EVI5: variants seen among roughly 807,000 people sequenced by gnomAD.
EVI5 encodes the protein ecotropic viral integration site 5.
Under a neutral mutation model 112.0 loss-of-function variants are expected in EVI5, and 73 were observed. The observed-to-expected ratio is 0.65, with a 90% CI of 0.54 to 0.79. The LOEUF (loss-of-function observed/expected upper bound fraction) is 0.79, where lower values mean the gene tolerates loss of function less well. EVI5 is among the 30% of genes least tolerant of loss of function. The pLI is 0.00. For missense variants in EVI5, 900 were observed against 968.8 expected (o/e 0.93, Z 0.94); for synonymous variants, 305 against 319.9 (o/e 0.95, Z 0.50).
chr1:92,783,483 TAAAA>T (rs774619273), intron 1 of EVI5, among the ~76,000 whole-genome samples: 3 of 24,272 alleles, frequency 1.2e-4, no homozygotes, highest in African/African-American at 3.2e-4. Flanking sequence ...GACTCAGCCT[TAAAA>T]AAAAAAAAAA....
At chr1:92,561,620 T>TGTATC (rs1668613498) in intron 19 of EVI5, among the ~76,000 whole-genome samples, 4 of 128,310 alleles carry the variant, frequency 3.1e-5, no homozygotes, top group Non-Finnish European at 6.6e-5. Flanking sequence ...TATCTATCTA[T>TGTATC]CTATCTATCT....
At chr1:92,783,110 C>T (rs952842209) in intron 1 of EVI5, among the ~76,000 whole-genome samples, 4 of 152,086 alleles carry the variant, frequency 2.6e-5, no homozygotes, top group Admixed American at 2.0e-4. Context: ...CGTGAGCCAC[C>T]GCACCCAGAC....
At position 92,561,608 on chromosome 1, in the gene EVI5, CCTATCTATCTATCTAT is replaced by C. The variant is rs80355191; in HGVS notation, c.2166+2018_2166+2033del. On this transcript the variant is annotated intron_variant, in intron 19 of 19. Coordinates refer to ENST00000684568, the MANE Select transcript of EVI5 (RefSeq NM_001350197.2). ...CTATCTATCTATCTATCTAATCTATCCTATCTATCTATCTATCTATCTATCTATCTATCTATCTATC... is the reference window on the plus strand; with the variant it reads ...CTATCTATCTATCTATCTAATCTATCCTATCTATCTATCTATCTATCTATC... Among the ~76,000 whole-genome samples, 979 of 132,218 alleles carry C rather than the reference CCTATCTATCTATCTAT, an allele frequency of 7.4e-3. 6 individuals are homozygous for C. Among genetic ancestry groups the C allele is most frequent in the African/African-American group, 0.022 (750 of 34,570 alleles). The allele number at this position is 132,218 out of a possible 152,430, so 86.7% of individuals were successfully genotyped here. A position where few individuals can be genotyped will look rare whatever the true frequency, so the allele number is the denominator to read the frequency against.
chr1:92,601,963 G>A (rs562048154), intron 18 of EVI5, among the ~76,000 whole-genome samples: 8 of 152,160 alleles, frequency 5.3e-5, no homozygotes, highest in Non-Finnish European at 8.8e-5. Flanking sequence ...AATCACATAC[G>A]ATAGCATGAT....
intron 14 of EVI5, among the ~76,000 whole-genome samples, chr1:92,632,427 G>A (rs1306070098): frequency 6.6e-6 from 1 of 152,170 alleles, no homozygotes; most frequent in Non-Finnish European, 1.5e-5. Context: ...TATGTGTCGA[G>A]GAATTTATCC....
chr1:92,547,703 G>A (rs920405053), intron 19 of EVI5, among the ~76,000 whole-genome samples: 20 of 152,206 alleles, frequency 1.3e-4, no homozygotes, highest in Non-Finnish European at 2.4e-4. Context: ...CTACCATCAG[G>A]GAATACTATC....
chr1:92,623,434 A>T (rs1654998736), intron 16 of EVI5, among the ~76,000 whole-genome samples: 1 of 152,242 alleles, frequency 6.6e-6, no homozygotes, highest in Non-Finnish European at 1.5e-5. Flanking sequence ...CAACATTCAC[A>T]GAGTATAAGA....
At chr1:92,633,578 G>T (rs879117474) in intron 14 of EVI5, among the ~76,000 whole-genome samples, 1 of 152,136 alleles carries the variant, frequency 6.6e-6, no homozygotes, top group Non-Finnish European at 1.5e-5. Flanking sequence ...TTGCATGTGA[G>T]ATGGGTTTCC....
At chr1:92,636,578 G>A (rs1658881154) in intron 13 of EVI5, among the ~76,000 whole-genome samples, 1 of 152,154 alleles carries the variant, frequency 6.6e-6, no homozygotes, top group Non-Finnish European at 1.5e-5. Context: ...TTATTACGCT[G>A]ATCAAATCTG....
chr1:92,653,149 C>T (rs1662422281), intron 13 of EVI5, among the ~76,000 whole-genome samples: 1 of 152,134 alleles, frequency 6.6e-6, no homozygotes, highest in Non-Finnish European at 1.5e-5. Context: ...GGGAGCACAG[C>T]CATCAGGGGT....
intron 7 of EVI5, among the ~76,000 whole-genome samples, 156 bp from the exon 8 acceptor site, chr1:92,694,544 G>C (rs1054493723): frequency 2.0e-5 from 3 of 152,132 alleles, no homozygotes; most frequent in Admixed American, 6.5e-5. Flanking sequence ...TTTTAGGTTT[G>C]GTGGGCTATA....
At chr1:92,660,527 T>G (rs1389473385) in intron 13 of EVI5, among the ~76,000 whole-genome samples, 1 of 152,024 alleles carries the variant, frequency 6.6e-6, no homozygotes, top group Admixed American at 6.5e-5. Context: ...AGAGTGACTA[T>G]AGTTAACAAT....
intron 10 of EVI5, among the ~76,000 whole-genome samples, chr1:92,676,498 CG>C (rs1469822373): frequency 6.6e-6 from 1 of 152,098 alleles, no homozygotes; most frequent in Non-Finnish European, 1.5e-5. Flanking sequence ...CACTTATCAA[CG>C]CCATCCTACA....
intron 5 of EVI5, among the ~76,000 whole-genome samples, chr1:92,698,975 A>G (rs2102508000): frequency 6.6e-6 from 1 of 152,320 alleles, no homozygotes; most frequent in South Asian, 2.1e-4. Context: ...TCTTTCTCAA[A>G]ATAATAAAAT....
At chr1:92,719,108 C>T (rs906790497) in intron 2 of EVI5, among the ~76,000 whole-genome samples, 1 of 150,588 alleles carries the variant, frequency 6.6e-6, no homozygotes, top group African/African-American at 2.5e-5. Context: ...CCGAATTCTA[C>T]CAGAGGTACA....
intron 14 of EVI5, among the ~76,000 whole-genome samples, chr1:92,631,801 G>C (rs1657179208): frequency 6.6e-6 from 1 of 152,156 alleles, no homozygotes; most frequent in Non-Finnish European, 1.5e-5. Flanking sequence ...CATTCAGTAT[G>C]ATATTGGCTG....
chr1:92,752,331 C>T (rs1425013271), intron 1 of EVI5, among the ~76,000 whole-genome samples: 4 of 152,018 alleles, frequency 2.6e-5, no homozygotes, highest in Non-Finnish European at 4.4e-5. Flanking sequence ...CGTGCCACCA[C>T]GCCTGGCTAC....
intron 18 of EVI5, 43 bp from the exon 19 acceptor site, chr1:92,563,780 T>G: frequency 8.5e-7 from 1 of 1,175,854 alleles, no homozygotes; most frequent in Non-Finnish European, 1.3e-6. Flanking sequence ...AGAGGCAATT[T>G]TTCACAGCAT....
chr1:92,715,777 A>C (rs1673548189), intron 2 of EVI5, among the ~76,000 whole-genome samples: 1 of 152,140 alleles, frequency 6.6e-6, no homozygotes, highest in African/African-American at 2.4e-5. Context: ...CTTTTCCAAC[A>C]GTCTTAGCAA....
Sources: allele counts gnomAD v4.1 joint callset (sites outside exome capture counted in the v4.1 genomes callset), GRCh38; gene constraint gnomAD v4.1.1; transcripts MANE v1.5; gene names NCBI Gene and HGNC (gene_info 2026-07-23, HGNC 2026-07-21).